The following NBAS variants were observed in gnomAD, a reference collection of about 807,000 sequenced individuals.
The protein encoded by NBAS is NAG/BC035112 fusion.
In NBAS, 219 loss-of-function variants were observed where a neutral mutation model predicts 302.5. The ratio of observed to expected loss-of-function variants is 0.72; its 90% CI spans 0.65 to 0.81. NBAS has a LOEUF of 0.81. Ranked by LOEUF, NBAS falls within the 30% of genes least tolerant of loss-of-function variation. NBAS has a pLI of 0.00. For synonymous variants in NBAS, 1,118 were observed against 1,021.6 expected (o/e 1.09, Z -1.80); for missense variants, 2,932 against 2,841.6 (o/e 1.03, Z -0.72).
the NBAS span, among the ~76,000 whole-genome samples, chr2:15,132,683 G>C: frequency 6.6e-6 from 1 of 152,102 alleles, no homozygotes; most frequent in Non-Finnish European, 1.5e-5. Context: ...GTGGGGTGCG[G>C]CAGGGGGTAA....
At chr2:14,925,779 AG>A in the NBAS span, among the ~76,000 whole-genome samples, 2 of 152,206 alleles carry the variant, frequency 1.3e-5, no homozygotes, top group Non-Finnish European at 2.9e-5. Flanking sequence ...CTATACTGTG[AG>A]CCCCCAAAAT....
At chr2:14,806,453 T>C in the NBAS span, among the ~76,000 whole-genome samples, 6 of 152,200 alleles carry the variant, frequency 3.9e-5, no homozygotes, top group African/African-American at 1.4e-4. Context: ...TTCTTGGACA[T>C]AAATTATTAT....
At chr2:15,278,433 T>C (rs1244058670) in intron 42 of NBAS, among the ~76,000 whole-genome samples, 1 of 152,222 alleles carries the variant, frequency 6.6e-6, no homozygotes, top group Non-Finnish European at 1.5e-5. Context: ...GTATTTTAAG[T>C]ACTTATTACC....
At chr2:15,162,927 C>T (rs1297907039), downstream of NBAS, among the ~76,000 whole-genome samples, 1 of 152,202 alleles carries the variant, frequency 6.6e-6, no homozygotes, top group Admixed American at 6.5e-5. Context: ...AAGAACAGGG[C>T]AAACTTGCAT....
intron 6 of NBAS, among the ~76,000 whole-genome samples, chr2:15,545,233 G>GA (rs1375623283): frequency 6.6e-6 from 1 of 152,056 alleles, no homozygotes; most frequent in African/African-American, 2.4e-5. Flanking sequence ...ATTTATATAT[G>GA]AAAAAAGTTT....
chr2:14,977,339 A>T, the NBAS span, among the ~76,000 whole-genome samples: 2 of 152,238 alleles, frequency 1.3e-5, no homozygotes, highest in Non-Finnish European at 2.9e-5. Context: ...GCACAAAAAA[A>T]GTAATAATAG....
intron 48 of NBAS, among the ~76,000 whole-genome samples, chr2:15,197,567 C>T (rs1378783383): frequency 1.3e-5 from 2 of 152,112 alleles, no homozygotes; most frequent in African/African-American, 2.4e-5. Context: ...ATTAGACAGA[C>T]GATCCTCAAC....
chr2:15,084,727 C>T, the NBAS span, among the ~76,000 whole-genome samples: 1 of 151,998 alleles, frequency 6.6e-6, no homozygotes, highest in Non-Finnish European at 1.5e-5. Context: ...CTTGCCACTC[C>T]TCCTCATCTC....
chr2:15,544,780 G>C (rs542641169), intron 6 of NBAS, among the ~76,000 whole-genome samples: 19 of 152,304 alleles, frequency 1.2e-4, no homozygotes, highest in African/African-American at 4.6e-4. Flanking sequence ...GAGAGGCCAA[G>C]GCGGGTGGAT....
At chr2:15,020,796 G>A in the NBAS span, among the ~76,000 whole-genome samples, 1 of 152,176 alleles carries the variant, frequency 6.6e-6, no homozygotes, top group Non-Finnish European at 1.5e-5. Flanking sequence ...GTCAATGTGG[G>A]TGTAGGAGAG....
In NBAS at chr2:15,167,083, T is replaced by C. The variant is rs1221710871; in HGVS notation, c.7081A>G (p.Ser2361Gly). 1.9e-6 allele frequency: 3 copies of C among 1,609,618 alleles called. No individual in the cohort carries two copies. Among genetic ancestry groups the C allele is most frequent in the African/African-American group, 1.3e-5 (1 of 74,906 alleles). ...RGTHQAFRTF[S>G]TALRAAQHWV The stretch of plus-strand genomic sequence containing the variant: ...TGCTGTGCTGCGCGGAGGGCTGTAC[T>C]GAAGGTTCTGAAGGCCTGGTGAGTC... Residue 2361 changes from serine to glycine, a missense_variant, in exon 52 of 52, where the codon AGT becomes GGT. By Grantham distance (56) the Ser-to-Gly change is moderately conservative. Transcript: ENST00000281513.
chr2:15,260,888 C>CTAAG (rs1449911181), intron 44 of NBAS, among the ~76,000 whole-genome samples: 1 of 152,218 alleles, frequency 6.6e-6, no homozygotes, highest in East Asian at 1.9e-4. Flanking sequence ...TGACCCCCTA[C>CTAAG]TAAGGGGAGA....
intron 40 of NBAS, among the ~76,000 whole-genome samples, chr2:15,294,827 A>G (rs1572606830): frequency 2.0e-5 from 3 of 152,360 alleles, no homozygotes; most frequent in East Asian, 1.9e-4. Context: ...AACCAAATCT[A>G]TGTTCACCAA....
Position 15,511,348 on chromosome 2 carries a change from AG to A in NBAS, c.748del (p.Leu250PhefsTer12), listed in dbSNP as rs1399287806. 6.2e-7 allele frequency: 1 copy of A among 1,613,878 alleles called. No homozygotes were observed. Among genetic ancestry groups the A allele is most frequent in the African/African-American group, 1.3e-5 (1 of 75,032 alleles). ...NTAIYHPGHR[L>X]LLVGGCETAE... ...AGTTTCACATCCACCAACAAGTAAAAGTCTAAAAAGGAGAAAATTTTTAAAA... is the reference window on the plus strand; with the variant it reads ...AGTTTCACATCCACCAACAAGTAAAATCTAAAAAGGAGAAAATTTTTAAAA... On this transcript the variant is annotated frameshift_variant and splice_region_variant, in exon 10 of 52. Transcript: ENST00000281513. LOFTEE classifies it high-confidence loss of function.
At chr2:14,875,064 T>C in the NBAS span, among the ~76,000 whole-genome samples, 1 of 152,082 alleles carries the variant, frequency 6.6e-6, no homozygotes, top group Non-Finnish European at 1.5e-5. Context: ...TACTTAATGG[T>C]AATAGATAAT....
chr2:14,806,290 A>G, the NBAS span, among the ~76,000 whole-genome samples: 1 of 151,970 alleles, frequency 6.6e-6, no homozygotes, highest in African/African-American at 2.4e-5. Flanking sequence ...TATCTCCACC[A>G]TCTCCTATGT....
chr2:15,199,455 T>A (rs939564352), intron 48 of NBAS, among the ~76,000 whole-genome samples: 1 of 152,212 alleles, frequency 6.6e-6, no homozygotes, highest in African/African-American at 2.4e-5. Context: ...GTTCCAAGCA[T>A]CTAAATATAT....
At position 15,410,262 on chromosome 2, in the gene NBAS, A is replaced by G. The variant is rs116209603; in HGVS notation, c.2937+5284T>C. Among the ~76,000 whole-genome samples, 1,030 of 152,318 alleles carry G rather than the reference A, an allele frequency of 6.8e-3. 12 individuals are homozygous for G. The highest frequency in any genetic ancestry group is 0.022 in the African/African-American group (929 of 41,572). ...GAGTATCAGTATACCAAGTAATAAC[A>G]TGTAGAAAGTTTGTGAATTCTATCA... On this transcript the variant is annotated intron_variant, in intron 25 of 51. Transcript: ENST00000281513.
chr2:14,990,384 A>G, the NBAS span, among the ~76,000 whole-genome samples: 1 of 151,916 alleles, frequency 6.6e-6, no homozygotes, highest in Non-Finnish European at 1.5e-5. Flanking sequence ...AGATCATGCC[A>G]CTGCACTCCA....
Sources: allele counts gnomAD v4.1 joint callset (sites outside exome capture counted in the v4.1 genomes callset), GRCh38; gene constraint gnomAD v4.1.1; transcripts MANE v1.5; gene names NCBI Gene and HGNC (gene_info 2026-07-23, HGNC 2026-07-21).